Variants in TACC2 observed in about 807,000 individuals in gnomAD.
The protein encoded by TACC2 is transforming acidic coiled-coil-containing protein 2.
A neutral mutation model predicts 227.3 loss-of-function variants in TACC2; 137 were observed. The observed-to-expected ratio is 0.60, with a 90% confidence interval of 0.52 to 0.69. The LOEUF is 0.69. Among genes scored for constraint, TACC2 ranks in the 30% least tolerant of loss-of-function variants. TACC2 has a pLI of 0.00. For missense variants in TACC2, 3,470 were observed against 3,694.4 expected (o/e 0.94, Z 1.57); for synonymous variants, 1,523 against 1,487.5 (o/e 1.02, Z -0.55).
At chr10:122,169,447 A>T (rs944533668) in intron 7 of TACC2, among the ~76,000 whole-genome samples, 1 of 152,236 alleles carries the variant, frequency 6.6e-6, no homozygotes, top group Non-Finnish European at 1.5e-5. Flanking sequence ...TACATATTTT[A>T]GGCTTTCTGG....
At chr10:122,166,470 A>C (rs573444581) in intron 7 of TACC2, among the ~76,000 whole-genome samples, 1 of 152,208 alleles carries the variant, frequency 6.6e-6, no homozygotes, top group South Asian at 2.1e-4. Flanking sequence ...TCAAGATTGG[A>C]GTAGCAGAAG....
intron 11 of TACC2, among the ~76,000 whole-genome samples, chr10:122,220,516 G>A (rs1037732380): frequency 1.3e-5 from 2 of 152,124 alleles, no homozygotes; most frequent in Admixed American, 6.5e-5. Flanking sequence ...GCATCTGGAC[G>A]TGGAAATACC....
chr10:122,238,116 C>T (rs2095897128), intron 18 of TACC2, 79 bp downstream of exon 18: 4 of 1,146,808 alleles, frequency 3.5e-6, no homozygotes, highest in African/African-American at 1.5e-5. Flanking sequence ...CTGGTGTGGT[C>T]CACAGAAGAG....
chr10:122,084,175 T>G lies in TACC2; in HGVS notation c.1675T>G (p.Ser559Ala), dbSNP rs1411401726. The G allele has an allele frequency of 6.2e-7, 1 of 1,614,006 alleles. No individual in the cohort carries two copies. Among genetic ancestry groups the G allele is most frequent in the East Asian group, 2.2e-5 (1 of 44,868 alleles). The change falls in exon 4 of 23, where the codon TCC becomes GCC. Residue 559 changes from serine (S) to alanine (A), a missense_variant. This residue lies in a region of TACC2 where 1,924 missense variants were observed against 1,978.3 expected (regional missense o/e 0.97). Transcript: ENST00000369005. ...PTDGAKVHED[S>A]TSPAVAKEGS... ...GGATGGAGCCAAGGTCCATGAAGAT[T>G]CCACAAGCCCAGCCGTGGCTAAAGA...
chr10:122,084,547 C>G lies in TACC2; in HGVS notation c.2047C>G (p.Pro683Ala). The change falls in exon 4 of 23, where the codon CCC becomes GCC. Residue 683 changes from proline (P) to alanine (A), a missense_variant. Coordinates refer to ENST00000369005, the MANE Select transcript of TACC2 (RefSeq NM_206862.4). ...AGATGGAGCTGGTGAGCCCACTGTT[C>G]CCGAAGGAGCCATCTGGGAGGGGTC... ...VPDGAGEPTV[P>A]EGAIWEGSGL... 1 of 1,613,678 alleles carries G rather than the reference C, an allele frequency of 6.2e-7. No homozygotes were observed. The highest frequency in any genetic ancestry group is 8.5e-7 in the Non-Finnish European group (1 of 1,180,014).
At chr10:122,229,270 G>T (rs2095688144) in intron 14 of TACC2, 76 bp from the exon 15 acceptor site, 3 of 1,561,020 alleles carry the variant, frequency 1.9e-6, no homozygotes, top group Non-Finnish European at 8.8e-7. Flanking sequence ...TGGCTGCATG[G>T]CCCTTGCTTG....
chr10:122,073,946 ATT>A (rs2078455488), intron 3 of TACC2, among the ~76,000 whole-genome samples: 1 of 151,588 alleles, frequency 6.6e-6, no homozygotes, highest in Non-Finnish European at 1.5e-5. Flanking sequence ...TGCCCGGCTA[ATT>A]TTTTTGTATG....
Position 122,007,315 on chromosome 10 carries a change from C to T in TACC2, c.-45-14622C>T, listed in dbSNP as rs555746556. Reference sequence around the variant, plus strand: ...TTGACAATCTTTTTATTCCTCCTTGCTTTTTGTCCATTTCTATTTGCACGT... The same window carrying T: ...TTGACAATCTTTTTATTCCTCCTTGTTTTTTGTCCATTTCTATTTGCACGT... On this transcript the variant is annotated intron_variant, in intron 1 of 22. Coordinates refer to ENST00000369005, the MANE Select transcript of TACC2 (RefSeq NM_206862.4). Among the ~76,000 whole-genome samples the T allele has an allele frequency of 1.7e-4, 26 of 151,902 alleles. No homozygotes were observed. The East Asian group carries it at 4.8e-3, about 28-fold the overall frequency.
chr10:122,025,025 A>G (rs533446965), intron 2 of TACC2, among the ~76,000 whole-genome samples: 3 of 152,114 alleles, frequency 2.0e-5, no homozygotes, highest in Non-Finnish European at 4.4e-5. Context: ...TTTCATTCCC[A>G]CCAGCAACGT....
chr10:122,026,527 G>A (rs1001574857), intron 2 of TACC2, among the ~76,000 whole-genome samples: 3 of 151,672 alleles, frequency 2.0e-5, no homozygotes, highest in Non-Finnish European at 2.9e-5. Flanking sequence ...TTTTGTGTGA[G>A]GTACACGATT....
At chr10:122,176,109 C>CTA (rs2093695012) in intron 7 of TACC2, among the ~76,000 whole-genome samples, 39 of 68,048 alleles carry the variant, frequency 5.7e-4, no homozygotes, top group South Asian at 1.3e-3. Context: ...CTCTCTCTCT[C>CTA]TCTCTCTCTA....
intron 1 of TACC2, chr10:121,994,844 G>A (rs1404745984): frequency 6.6e-6 from 1 of 152,190 alleles, no homozygotes. Context: ...AGGCATATCT[G>A]TGCCTCTCCA....
rs545796321 is a variant in TACC2 at position 122,244,862 on chromosome 10, T to A, written c.8392+2861T>A. Among the ~76,000 whole-genome samples the A allele has an allele frequency of 5.9e-5, 9 of 152,372 alleles. No homozygotes were observed. The South Asian group carries it at 1.9e-3, about 32-fold the overall frequency. On this transcript the variant is annotated intron_variant, in intron 19 of 22. Coordinates refer to ENST00000369005, the MANE Select transcript of TACC2 (RefSeq NM_206862.4). The stretch of plus-strand genomic sequence containing the variant: ...CATCAGTCCTGCCGTTGTTATTCAT[T>A]TGCATCAAATGTTACTGGAGAGATA...
intron 7 of TACC2, 72 bp downstream of exon 7, chr10:122,143,778 T>C: frequency 6.6e-7 from 1 of 1,520,844 alleles, no homozygotes; most frequent in Non-Finnish European, 8.9e-7. Context: ...GCCCCCTAGG[T>C]CTTGGGGTGA....
intron 6 of TACC2, among the ~76,000 whole-genome samples, chr10:122,137,872 C>T (rs773462856): frequency 2.0e-5 from 3 of 152,164 alleles, no homozygotes; most frequent in Non-Finnish European, 4.4e-5. Context: ...CATCACAGCT[C>T]CTCAGGAAGG....
chr10:122,053,788 C>T (rs1319174336), intron 3 of TACC2, among the ~76,000 whole-genome samples: 6 of 152,190 alleles, frequency 3.9e-5, no homozygotes, highest in African/African-American at 1.4e-4. Flanking sequence ...GGCATCTGTC[C>T]CTTGGCCTCA....
intron 2 of TACC2, among the ~76,000 whole-genome samples, chr10:122,041,122 T>G: frequency 6.6e-6 from 1 of 152,170 alleles, no homozygotes; most frequent in East Asian, 1.9e-4. Flanking sequence ...CAAGAAAGGC[T>G]GAGGTTGTAT....
intron 1 of TACC2, among the ~76,000 whole-genome samples, chr10:121,993,775 G>A (rs560665442): frequency 2.6e-4 from 39 of 152,168 alleles, no homozygotes; most frequent in Non-Finnish European, 5.4e-4. Context: ...ACAGGCGTGC[G>A]CCACCATGCC....
intron 3 of TACC2, among the ~76,000 whole-genome samples, chr10:122,075,370 G>A (rs964377538): frequency 2.0e-5 from 3 of 152,104 alleles, no homozygotes; most frequent in South Asian, 2.1e-4. Context: ...AGCTCGTCAC[G>A]TGGCAAATAG....
Sources: gnomAD v4.1 joint callset for allele counts (sites outside exome capture counted in the v4.1 genomes callset) on GRCh38, gnomAD v4.1.1 for gene constraint, gnomAD v4.1.1 regional missense constraint, MANE v1.5 for transcripts, NCBI Gene and HGNC (gene_info 2026-07-23, HGNC 2026-07-21) for gene names.